The following WDR93 variants were observed in gnomAD, a reference collection of about 807,000 sequenced individuals.
The protein encoded by WDR93 is WD repeat domain 93, also known as WD repeat-containing protein 93.
WDR93 carries 73 observed loss-of-function variants against 82.9 expected under a neutral mutation model. The ratio of observed to expected loss-of-function variants is 0.88; its 90% CI spans 0.73 to 1.07. The LOEUF (loss-of-function observed/expected upper bound fraction) is 1.07, where lower values mean the gene tolerates loss of function less well. WDR93 is among the 50% of genes least tolerant of loss of function. The pLI, the probability that WDR93 is intolerant of heterozygous loss-of-function variation, is 0.00. For missense variants in WDR93, 738 were observed against 826.0 expected (o/e 0.89, Z 1.31); for synonymous variants, 283 against 300.1 (o/e 0.94, Z 0.59).
At position 89,702,676 on chromosome 15, in the gene WDR93, T is replaced by C. The variant is rs1965526957; in HGVS notation, c.304-274T>C. Among the ~76,000 whole-genome samples, 4 of 152,026 alleles carry C rather than the reference T, an allele frequency of 2.6e-5. No homozygotes were observed. In the South Asian group the frequency reaches 8.3e-4, roughly 32 times the overall value. On this transcript the variant is annotated intron_variant, in intron 2 of 16. Coordinates refer to ENST00000268130, the MANE Select transcript of WDR93 (RefSeq NM_020212.2). ...GCCTCAGCCTCCCAAGTAGCTGGGA[T>C]TACAGGGATATGCCACCATGCCCGG...
At chr15:89,690,972 C>T in intron 1 of WDR93, 115 bp downstream of exon 1, 1 of 201,116 alleles carries the variant, frequency 5.0e-6, no homozygotes, top group Non-Finnish European at 1.0e-5. Context: ...TCCCCAGACT[C>T]GGGCGTTTCC....
chr15:89,718,869 C>A (rs1420498236), intron 7 of WDR93, among the ~76,000 whole-genome samples: 1 of 152,312 alleles, frequency 6.6e-6, no homozygotes, highest in Non-Finnish European at 1.5e-5. Context: ...CCCGCTTTGG[C>A]CTCCCAAAGT....
chr15:89,735,032 CCTTT>C (rs755767340), intron 13 of WDR93, among the ~76,000 whole-genome samples: 57 of 149,726 alleles, frequency 3.8e-4, no homozygotes, highest in Non-Finnish European at 7.4e-4. Context: ...ATCCTTCTTT[CCTTT>C]CTTTCTTTCT....
At chr15:89,712,396 CTT>C (rs1170109589) in intron 5 of WDR93, among the ~76,000 whole-genome samples, 45 of 80,484 alleles carry the variant, frequency 5.6e-4, no homozygotes, top group African/African-American at 1.0e-3. Flanking sequence ...TTCCACTAAT[CTT>C]TTTTTTTTTT....
intron 1 of WDR93, among the ~76,000 whole-genome samples, chr15:89,698,826 T>C (rs1965312367): frequency 6.6e-6 from 1 of 152,152 alleles, no homozygotes; most frequent in Admixed American, 6.5e-5. Context: ...ATTTGCCTAA[T>C]GCATCCAGTG....
At chr15:89,703,643 C>T (rs1247151569) in intron 3 of WDR93, 2 of 155,922 alleles carry the variant, frequency 1.3e-5, no homozygotes, top group African/African-American at 2.4e-5. Flanking sequence ...AAGCTAGGCT[C>T]CCTCTAGCCT....
intron 7 of WDR93, among the ~76,000 whole-genome samples, chr15:89,720,842 CCTTT>C (rs1966495547): frequency 6.6e-6 from 1 of 152,134 alleles, no homozygotes; most frequent in Non-Finnish European, 1.5e-5. Flanking sequence ...AAGTTTTTCT[CCTTT>C]CTGTTTTTCC....
In WDR93 at chr15:89,702,017, C is replaced by G. The variant is rs753251726; in HGVS notation, c.271C>G (p.Pro91Ala). 1.2e-6 allele frequency: 2 copies of G among 1,612,088 alleles called. No individual in the cohort carries two copies. The highest frequency in any genetic ancestry group is 1.7e-6 in the Non-Finnish European group (2 of 1,179,562). Residue 91 changes from proline (P) to alanine (A), a missense_variant, in exon 2 of 17, where the codon CCC becomes GCC. Physicochemically the swap from Pro to Ala is conservative, Grantham distance 27. Transcript: ENST00000268130. The stretch of plus-strand genomic sequence containing the variant: ...GGAAGCTGAGAGCAGCCAGATCCAG[C>G]CCACCGTCTACCCTCCACTTGGAGA... ...LREAESSQIQ[P>A]TVYPPLGEIQ...
rs1966184571 is a variant in WDR93, at chr15:89,715,071, GA to G, written c.738del (p.Val247SerfsTer6). On this transcript the variant is annotated frameshift_variant, in exon 6 of 17. Coordinates refer to ENST00000268130, the MANE Select transcript of WDR93 (RefSeq NM_020212.2). LOFTEE classifies it high-confidence loss of function. Reference protein sequence around the residue: ...EHPQLTSNPKKKVRQPQLNSL... With the variant: ...EHPQLTSNPKXKVRQPQLNSL... ...ACCCCCAACTCACTTCAAATCCAAA[GA>G]AAAAAGTCAGACAGCCGCAACTGGT... 1.9e-6 allele frequency: 3 copies of G among 1,613,730 alleles called. No homozygotes were observed. Among genetic ancestry groups the G allele is most frequent in the East Asian group, 4.5e-5 (2 of 44,878 alleles).
intron 4 of WDR93, among the ~76,000 whole-genome samples, chr15:89,709,668 T>A (rs1965873991): frequency 6.6e-6 from 1 of 151,980 alleles, no homozygotes; most frequent in South Asian, 2.1e-4. Context: ...CCCAGACTGG[T>A]CTTGAACTCC....
chr15:89,730,322 CAAAAAAAAA>C (rs370652070), intron 11 of WDR93, among the ~76,000 whole-genome samples: 1 of 123,482 alleles, frequency 8.1e-6, no homozygotes. Context: ...AAGACTATCT[CAAAAAAAAA>C]AAAAAAAAAA....
chr15:89,708,032 G>T (rs968016644), intron 4 of WDR93, among the ~76,000 whole-genome samples: 2 of 152,156 alleles, frequency 1.3e-5, no homozygotes, highest in Non-Finnish European at 1.5e-5. Context: ...AAAGAAGTCA[G>T]ATAAAAATAC....
In WDR93 at chr15:89,740,650, C is replaced by A. The variant is rs1374475770; in HGVS notation, c.1961+2414C>A. 2.6e-5 allele frequency among the ~76,000 whole-genome samples: 4 copies of A among 151,902 alleles called. No homozygotes were observed. In the South Asian group the frequency reaches 8.3e-4, roughly 32 times the overall value. The stretch of plus-strand genomic sequence containing the variant: ...CCCAGTAGCTGGGATTACAGGCATG[C>A]GCCACCACGCCCGGCTAATTTTTGT... On this transcript the variant is annotated intron_variant, in intron 16 of 16. Transcript: ENST00000268130.
rs1292731265 is a variant in WDR93 at position 89,717,017 on chromosome 15, T to C, written c.795+68T>C. ...TATTTTAGAGATTTTTTAAAAATTATTATTTTTCTTTTCTTTTCTTTTTCT... is the reference window on the plus strand; with the variant it reads ...TATTTTAGAGATTTTTTAAAAATTACTATTTTTCTTTTCTTTTCTTTTTCT... On this transcript the variant is annotated intron_variant, in intron 7 of 16. Transcript: ENST00000268130. 8 of 948,424 alleles carry C rather than the reference T, an allele frequency of 8.4e-6. No homozygotes were observed. The Admixed American group carries it at 1.4e-4, about 17-fold the overall frequency. The allele number at this position is 948,424 out of a possible 1,614,324, so 58.8% of individuals were successfully genotyped here.
chr15:89,717,138 C>A (rs1295453694), intron 7 of WDR93, among the ~76,000 whole-genome samples, 189 bp downstream of exon 7: 1 of 142,586 alleles, frequency 7.0e-6, no homozygotes, highest in South Asian at 2.2e-4. Flanking sequence ...TGGCTCATCG[C>A]AACTTCTGCC....
chr15:89,699,034 AT>A (rs936649779), intron 1 of WDR93, among the ~76,000 whole-genome samples: 10 of 151,662 alleles, frequency 6.6e-5, no homozygotes, highest in African/African-American at 1.5e-4. Flanking sequence ...ATTAAAAAAA[AT>A]TTTTTTTATA....
intron 1 of WDR93, among the ~76,000 whole-genome samples, chr15:89,692,874 C>T (rs1309221081): frequency 6.6e-6 from 1 of 152,020 alleles, no homozygotes; most frequent in Non-Finnish European, 1.5e-5. Flanking sequence ...TCCCAAAGTT[C>T]TGGGATTACA....
intron 8 of WDR93, among the ~76,000 whole-genome samples, chr15:89,726,557 G>A (rs1425702445): frequency 6.6e-6 from 1 of 152,218 alleles, no homozygotes; most frequent in South Asian, 2.1e-4. Flanking sequence ...GAAACTCAGG[G>A]TGCAAATCCA....
intron 7 of WDR93, 96 bp downstream of exon 7, chr15:89,717,045 CTTTTTT>C (rs11457156): frequency 8.5e-4 from 147 of 172,014 alleles, no homozygotes; most frequent in African/African-American, 1.4e-3. Flanking sequence ...CTTTTTCTTT[CTTTTTT>C]TTTTTTTTTT....
Sources: gnomAD v4.1 joint callset for allele counts (sites outside exome capture counted in the v4.1 genomes callset) on GRCh38, gnomAD v4.1.1 for gene constraint, MANE v1.5 for transcripts, NCBI Gene and HGNC (gene_info 2026-07-23, HGNC 2026-07-21) for gene names.